Variants in CDH3 observed in about 807,000 individuals in gnomAD.
CDH3 encodes cadherin-3.
In CDH3, 54 loss-of-function variants were observed where a neutral mutation model predicts 82.0. That is an observed-to-expected ratio of 0.66 (90% CI 0.53 to 0.83). The LOEUF (loss-of-function observed/expected upper bound fraction) is 0.83, where lower values mean the gene tolerates loss of function less well. Ranked by LOEUF, CDH3 falls within the 40% of genes least tolerant of loss-of-function variation. The probability of loss-of-function intolerance (pLI) is 0.00; values close to 1 mark genes in which losing one functional copy is unlikely to be tolerated. For missense variants in CDH3, 1,054 were observed against 1,084.6 expected, an observed-to-expected ratio of 0.97 and a Z score of 0.40; for synonymous variants, 446 against 437.9, an observed-to-expected ratio of 1.02 and a Z score of -0.23.
At chr16:68,732,399 A>G (rs1479425176), downstream of CDH3, among the ~76,000 whole-genome samples, 1 of 152,230 alleles carries the variant, frequency 6.6e-6, no homozygotes, top group Non-Finnish European at 1.5e-5. Context: ...AGACTGCCTG[A>G]AGGATTAATC....
At chr16:68,649,655 C>T (rs1371493053) in intron 2 of CDH3, among the ~76,000 whole-genome samples, 2 of 151,968 alleles carry the variant, frequency 1.3e-5, no homozygotes, top group South Asian at 2.1e-4. Context: ...CTGTGCAGTA[C>T]TTGGAGGGGC....
intron 2 of CDH3, among the ~76,000 whole-genome samples, chr16:68,726,788 C>A (rs1310125398): frequency 6.6e-6 from 1 of 152,034 alleles, no homozygotes; most frequent in African/African-American, 2.4e-5. Context: ...ACCAGGTTAG[C>A]CAGGATGGTC....
In CDH3 at chr16:68,678,919, G is replaced by T; in HGVS notation, c.691+13G>T. 1 of 1,612,884 alleles carries T rather than the reference G, an allele frequency of 6.2e-7. No individual in the cohort carries two copies. The highest frequency in any genetic ancestry group is 8.5e-7 in the Non-Finnish European group (1 of 1,179,548). Reference sequence around the variant, plus strand: ...GGAGTCCTACCAGGTAAGAGGACTGGGAAGGGGACTGCTACGGGGCTGGGC... The same window carrying T: ...GGAGTCCTACCAGGTAAGAGGACTGTGAAGGGGACTGCTACGGGGCTGGGC... On this transcript the variant is annotated intron_variant, in intron 6 of 15. Transcript: ENST00000264012.
intron 2 of CDH3, among the ~76,000 whole-genome samples, chr16:68,673,471 TC>T (rs1376732333): frequency 3.5e-5 from 2 of 56,494 alleles, no homozygotes; most frequent in Non-Finnish European, 9.1e-5. Flanking sequence ...CCTGGTCAAT[TC>T]CTTTTTTTTT....
intron 2 of CDH3, among the ~76,000 whole-genome samples, chr16:68,653,099 G>A (rs557799512): frequency 5.3e-5 from 8 of 152,252 alleles, no homozygotes; most frequent in African/African-American, 1.9e-4. Flanking sequence ...CTGTTCTGAA[G>A]TAGTGAGGTG....
At chr16:68,651,713 G>A in intron 2 of CDH3, 1 of 517,060 alleles carries the variant, frequency 1.9e-6, no homozygotes, top group Non-Finnish European at 3.9e-6. Context: ...GCTGGTGCCA[G>A]TTCTGCATGG....
At chr16:68,700,911 C>T, downstream of CDH3, among the ~76,000 whole-genome samples, 1 of 152,080 alleles carries the variant, frequency 6.6e-6, no homozygotes, top group East Asian at 1.9e-4. Context: ...GTCCATGGCA[C>T]CCTCAGGACA....
chr16:68,729,182 G>A (rs2065668834), downstream of CDH3, among the ~76,000 whole-genome samples: 1 of 152,208 alleles, frequency 6.6e-6, no homozygotes, highest in Non-Finnish European at 1.5e-5. Context: ...GTGCTGGCCT[G>A]TAGTCCCAGC....
At chr16:68,651,103 G>A (rs760184479) in intron 2 of CDH3, 23 of 428,124 alleles carry the variant, frequency 5.4e-5, no homozygotes, top group Non-Finnish European at 9.8e-5. Context: ...GTTGGTGCCC[G>A]AGGGAGCCCT....
chr16:68,710,919 G>A lies in CDH3; in HGVS notation c.100-11506G>A, dbSNP rs537532121. Among the ~76,000 whole-genome samples the A allele has an allele frequency of 5.5e-4, 76 of 139,076 alleles. 1 individual carries two copies. The highest frequency in any genetic ancestry group is 4.9e-3 in the Admixed American group (67 of 13,742). The allele number at this position is 139,076 out of a possible 152,430, so 91.2% of individuals were successfully genotyped here. A position where few individuals can be genotyped will look rare whatever the true frequency, so the allele number is the denominator to read the frequency against. On this transcript the variant is annotated intron_variant, in intron 1 of 2. Coordinates refer to the CDH3 transcript ENST00000569080. ...GAAAAGAAGAAAGGAAGAAAGGAGA[G>A]AGGGAAGGAGAGAAGGGAGGGGAGG... is the stretch of plus-strand genomic sequence containing the variant.
intron 2 of CDH3, among the ~76,000 whole-genome samples, chr16:68,667,271 T>C (rs1960758389): frequency 1.3e-5 from 2 of 152,218 alleles, no homozygotes; most frequent in South Asian, 4.1e-4. Flanking sequence ...GACAAATTTG[T>C]TTGTTTTGTG....
intron 1 of CDH3, among the ~76,000 whole-genome samples, chr16:68,714,436 G>A (rs1430900160): frequency 5.3e-5 from 8 of 152,160 alleles, no homozygotes; most frequent in East Asian, 1.9e-4. Flanking sequence ...GTCTCTCAAC[G>A]ACTTTGCCTC....
At chr16:68,715,525 G>T (rs1338633370) in intron 1 of CDH3, among the ~76,000 whole-genome samples, 1 of 152,070 alleles carries the variant, frequency 6.6e-6, no homozygotes, top group Non-Finnish European at 1.5e-5. Flanking sequence ...AGTAGCCCGG[G>T]CACACCCTGG....
At chr16:68,708,276 G>A (rs1249342516) in intron 1 of CDH3, among the ~76,000 whole-genome samples, 3 of 151,278 alleles carry the variant, frequency 2.0e-5, no homozygotes, top group African/African-American at 7.3e-5. Flanking sequence ...GCAGCAAGTC[G>A]AGATCCCACC....
chr16:68,731,929 C>T (rs1446588097), downstream of CDH3, among the ~76,000 whole-genome samples: 1 of 151,930 alleles, frequency 6.6e-6, no homozygotes, highest in Non-Finnish European at 1.5e-5. Context: ...ACAAAGTTTA[C>T]AAAAACTTTA....
chr16:68,720,343 T>C (rs1374609978), intron 1 of CDH3, among the ~76,000 whole-genome samples: 3 of 151,962 alleles, frequency 2.0e-5, no homozygotes, highest in African/African-American at 4.8e-5. Flanking sequence ...ATGCATACCC[T>C]GAATCAGATC....
intron 13 of CDH3, 30 bp from the exon 14 acceptor site, chr16:68,695,225 G>C (rs747717484): frequency 3.1e-6 from 5 of 1,613,830 alleles, no homozygotes; most frequent in Non-Finnish European, 4.2e-6. Context: ...TGGTTACAGA[G>C]GGAGCACTCA....
chr16:68,697,153 T>C (rs1961751940), intron 15 of CDH3, among the ~76,000 whole-genome samples: 2 of 151,664 alleles, frequency 1.3e-5, no homozygotes, highest in South Asian at 2.1e-4. Flanking sequence ...TAAAACCCTG[T>C]CTCTACTAAA....
chr16:68,727,665 T>G (rs1962233157), downstream of CDH3, among the ~76,000 whole-genome samples: 1 of 152,064 alleles, frequency 6.6e-6, no homozygotes, highest in Admixed American at 6.6e-5. Flanking sequence ...TCCCAGCACT[T>G]TCAGAAGCCA....
Sources: allele counts gnomAD v4.1 joint callset (sites outside exome capture counted in the v4.1 genomes callset), GRCh38; gene constraint gnomAD v4.1.1; transcripts MANE v1.5; gene names NCBI Gene and HGNC (gene_info 2026-07-23, HGNC 2026-07-21).